The following ABLIM2 variants were observed in gnomAD, a reference collection of about 807,000 sequenced individuals.
ABLIM2 encodes actin binding LIM protein family member 2.
In ABLIM2, 53 loss-of-function variants were observed where a neutral mutation model predicts 97.7. That is an observed-to-expected ratio of 0.54 (90% confidence interval 0.44 to 0.68). The LOEUF is 0.68. Ranked by LOEUF, ABLIM2 falls within the 30% of genes least tolerant of loss-of-function variation. The probability of loss-of-function intolerance (pLI) is 0.00; values close to 1 mark genes in which losing one functional copy is unlikely to be tolerated. For missense variants in ABLIM2, 835 were observed against 867.2 expected (o/e 0.96, Z 0.47); for synonymous variants, 361 against 345.8 (o/e 1.04, Z -0.49).
At chr4:8,156,716 T>C (rs1190906984) in intron 1 of ABLIM2, among the ~76,000 whole-genome samples, 1 of 152,158 alleles carries the variant, frequency 6.6e-6, no homozygotes, top group African/African-American at 2.4e-5. Context: ...TGCCAGCGGG[T>C]GTGGGGAGGG....
intron 17 of ABLIM2, among the ~76,000 whole-genome samples, chr4:7,991,996 G>C (rs1749147535): frequency 6.6e-6 from 1 of 152,208 alleles, no homozygotes; most frequent in African/African-American, 2.4e-5. Flanking sequence ...CCTCGGTTGA[G>C]AGGTGAATTG....
rs757848738 is a variant in ABLIM2 at position 7,998,145 on chromosome 4, C to T, written c.1619-5218G>A. 6.6e-6 allele frequency among the ~76,000 whole-genome samples: 1 copy of T among 152,038 alleles called. No homozygotes were observed. Among genetic ancestry groups the T allele is most frequent in the Non-Finnish European group, 1.5e-5 (1 of 67,988 alleles). ...ATCTGATCCGTCCTCCTCGGCCTCC[C>T]AAAGTGCTGGGATTACAGGTGTGAG... is the stretch of plus-strand genomic sequence containing the variant. On this transcript the variant is annotated intron_variant, in intron 16 of 20. Transcript: ENST00000447017. This position sits in a 1 kb window ranked among gnomAD's most constrained non-coding sequence, Gnocchi z 6.4.
intron 14 of ABLIM2, among the ~76,000 whole-genome samples, chr4:8,014,613 G>T (rs1446580706): frequency 1.3e-5 from 2 of 152,244 alleles, no homozygotes; most frequent in East Asian, 3.9e-4. Flanking sequence ...CAGCTCCACA[G>T]GATCGGGGGA....
In ABLIM2 at chr4:8,132,071, G is replaced by C. The variant is rs901863793; in HGVS notation, c.11-25434C>G. Among the ~76,000 whole-genome samples, 3 of 151,400 alleles carry C rather than the reference G, an allele frequency of 2.0e-5. No homozygotes were observed. Among genetic ancestry groups the C allele is most frequent in the South Asian group, 2.1e-4 (1 of 4,824 alleles). On this transcript the variant is annotated intron_variant, in intron 1 of 20. Transcript: ENST00000447017. This position sits in a 1 kb window ranked among gnomAD's most constrained non-coding sequence, Gnocchi z 8.0. ...CTGTGCCGGCCGAGCTCAGGCCTCGGGGTGCCTGGACATCCCTCCGTGGGG... is the reference window on the plus strand; with the variant it reads ...CTGTGCCGGCCGAGCTCAGGCCTCGCGGTGCCTGGACATCCCTCCGTGGGG...
At chr4:7,987,590 T>C (rs1489137403) in intron 17 of ABLIM2, among the ~76,000 whole-genome samples, 1 of 152,164 alleles carries the variant, frequency 6.6e-6, no homozygotes, top group Non-Finnish European at 1.5e-5. Context: ...TGCCCATCGC[T>C]CTGCATAACG....
intron 3 of ABLIM2, among the ~76,000 whole-genome samples, chr4:8,093,190 T>C (rs189934689): frequency 6.6e-6 from 1 of 152,190 alleles, no homozygotes; most frequent in Non-Finnish European, 1.5e-5. Flanking sequence ...CTTATTATTA[T>C]TGAGTTGTGA....
At position 8,058,317 on chromosome 4, in the gene ABLIM2, C is replaced by G. The variant is rs552465402; in HGVS notation, c.763+2650G>C. Among the ~76,000 whole-genome samples the G allele has an allele frequency of 1.3e-5, 2 of 152,332 alleles. No individual in the cohort carries two copies. The highest frequency in any genetic ancestry group is 4.8e-5 in the African/African-American group (2 of 41,584). ...CAGAGACTCAAGGAACAGGCGACAC[C>G]GGGGACGAGGCTGTCCTGTCTGACA... On this transcript the variant is annotated intron_variant, in intron 7 of 20. Coordinates refer to ENST00000447017, the MANE Select transcript of ABLIM2 (RefSeq NM_001130083.2). This position sits in a 1 kb window ranked among gnomAD's most constrained non-coding sequence, Gnocchi z 4.2.
chr4:8,060,141 G>A (rs768835092), intron 7 of ABLIM2, among the ~76,000 whole-genome samples: 5 of 152,070 alleles, frequency 3.3e-5, no homozygotes, highest in African/African-American at 4.8e-5. Context: ...TATAAGAGTC[G>A]TTGTCTCCCT....
At chr4:8,053,065 C>T (rs1430043551) in intron 8 of ABLIM2, among the ~76,000 whole-genome samples, 2 of 152,238 alleles carry the variant, frequency 1.3e-5, no homozygotes, top group African/African-American at 4.8e-5. Context: ...GACCACCAGC[C>T]AGATGGGGAC....
chr4:8,031,065 C>A (rs1780626877), intron 10 of ABLIM2, among the ~76,000 whole-genome samples: 2 of 152,230 alleles, frequency 1.3e-5, no homozygotes, highest in South Asian at 4.1e-4. Flanking sequence ...CTGTCAGGAC[C>A]TGGGGAGGGC....
intron 8 of ABLIM2, among the ~76,000 whole-genome samples, chr4:8,049,176 G>T (rs757285071): frequency 1.3e-5 from 2 of 152,230 alleles, no homozygotes; most frequent in Non-Finnish European, 2.9e-5. Flanking sequence ...CTCCTTGTGG[G>T]CAGGGACCCC....
At chr4:8,094,872 G>A (rs906515370) in intron 3 of ABLIM2, among the ~76,000 whole-genome samples, 1 of 151,660 alleles carries the variant, frequency 6.6e-6, no homozygotes. Context: ...AATTACTTTT[G>A]CAACAACCTA....
intron 6 of ABLIM2, among the ~76,000 whole-genome samples, chr4:8,062,319 C>G (rs1366432169): frequency 6.6e-6 from 1 of 152,242 alleles, no homozygotes; most frequent in Non-Finnish European, 1.5e-5. Context: ...CAGGGAGTAC[C>G]AGGTGCAGGG....
intron 2 of ABLIM2, among the ~76,000 whole-genome samples, chr4:8,100,282 T>C (rs1833867610): frequency 6.6e-6 from 1 of 152,174 alleles, no homozygotes; most frequent in Non-Finnish European, 1.5e-5. Context: ...AGTAAAATGT[T>C]GTAAATAGAT....
In ABLIM2 at chr4:8,050,204, A is replaced by T. The variant is rs188059538; in HGVS notation, c.822+3984T>A. On this transcript the variant is annotated intron_variant, in intron 8 of 20. Coordinates refer to ENST00000447017, the MANE Select transcript of ABLIM2 (RefSeq NM_001130083.2). ...CTTGGGCGCCTGTTCTCAGGGTCAC[A>T]TGAGGGCTGTGTCATGGTCACTCAT... 1.9e-4 allele frequency among the ~76,000 whole-genome samples: 29 copies of T among 152,304 alleles called. 1 individual carries two copies. Among genetic ancestry groups the T allele is most frequent in the Admixed American group, 9.8e-4 (15 of 15,294 alleles).
At chr4:8,036,757 A>G (rs955671256) in intron 9 of ABLIM2, among the ~76,000 whole-genome samples, 4 of 152,226 alleles carry the variant, frequency 2.6e-5, no homozygotes, top group East Asian at 3.8e-4. Flanking sequence ...TGTACCTGGC[A>G]TGGGGTCTGG....
At chr4:8,134,884 C>T (rs143634445) in intron 1 of ABLIM2, among the ~76,000 whole-genome samples, 1 of 152,338 alleles carries the variant, frequency 6.6e-6, no homozygotes, top group Non-Finnish European at 1.5e-5. Context: ...CATGTGGGTG[C>T]AAAGACATAC....
At chr4:8,142,832 T>C (rs188050038) in intron 1 of ABLIM2, among the ~76,000 whole-genome samples, 2 of 152,326 alleles carry the variant, frequency 1.3e-5, no homozygotes, top group African/African-American at 4.8e-5. Context: ...ACACCATCCC[T>C]TTCTGGTCAA....
intron 12 of ABLIM2, among the ~76,000 whole-genome samples, chr4:8,026,529 C>T (rs1017511540): frequency 3.3e-5 from 5 of 152,386 alleles, no homozygotes; most frequent in Admixed American, 6.5e-5. Flanking sequence ...CCCACCTTCT[C>T]GCTGCCTGCG....
Sources: allele counts gnomAD v4.1 joint callset (sites outside exome capture counted in the v4.1 genomes callset), GRCh38; gene constraint gnomAD v4.1.1; non-coding constraint Gnocchi (gnomAD v3.1); transcripts MANE v1.5; gene names NCBI Gene and HGNC (gene_info 2026-07-23, HGNC 2026-07-21).